ANKS1B: variants seen among roughly 807,000 people sequenced by gnomAD.
The protein encoded by ANKS1B is ankyrin repeat and sterile alpha motif domain-containing protein 1B.
A neutral mutation model predicts 148.3 loss-of-function variants in ANKS1B; 36 were observed. That is an observed-to-expected ratio of 0.24 (90% CI 0.19 to 0.32). The LOEUF is 0.32. ANKS1B is among the 10% of genes least tolerant of loss of function. The pLI is 1.00. For missense variants in ANKS1B, 1,157 were observed against 1,542.6 expected (o/e 0.75, Z 4.19); for synonymous variants, 542 against 560.8 (o/e 0.97, Z 0.47).
intron 4 of ANKS1B, among the ~76,000 whole-genome samples, chr12:99,796,185 G>A (rs1324567029): frequency 1.3e-5 from 2 of 152,044 alleles, no homozygotes; most frequent in Non-Finnish European, 2.9e-5. Flanking sequence ...TAGGCAAGTA[G>A]TGTCTACAGC....
intron 12 of ANKS1B, among the ~76,000 whole-genome samples, chr12:99,326,243 A>T (rs1223872269): frequency 6.6e-6 from 1 of 152,092 alleles, no homozygotes; most frequent in Non-Finnish European, 1.5e-5. Context: ...TCATGGCAAC[A>T]GGTTTTTGGG....
chr12:98,799,123 A>T lies in ANKS1B; in HGVS notation c.3271-118T>A, dbSNP rs878963536. The T allele has an allele frequency of 1.5e-5, 8 of 549,276 alleles. No homozygotes were observed. In the South Asian group the frequency reaches 3.1e-4, roughly 21 times the overall value. 34.0% of individuals were successfully genotyped at this position (549,276 alleles called of 1,614,324 possible). A position where few individuals can be genotyped will look rare whatever the true frequency, so the allele number is the denominator to read the frequency against. On this transcript the variant is annotated intron_variant, in intron 21 of 26. Transcript: ENST00000683438. ...TTTCCTGGCTGTAAGTTGTTGCATA[A>T]CTTTAAAAAACTGACAGTAACTAAT...
At chr12:99,250,769 C>T (rs1263079728) in intron 12 of ANKS1B, among the ~76,000 whole-genome samples, 1 of 152,078 alleles carries the variant, frequency 6.6e-6, no homozygotes, top group Non-Finnish European at 1.5e-5. Flanking sequence ...TTTATATTTC[C>T]ACATCTGGAA....
chr12:98,894,842 G>C, intron 17 of ANKS1B: 1 of 981,378 alleles, frequency 1.0e-6, no homozygotes, highest in Non-Finnish European at 1.2e-6. Context: ...GCCGCGCTGC[G>C]CCGAGCGCCG....
chr12:98,851,138 A>G (rs1263415361), intron 17 of ANKS1B, among the ~76,000 whole-genome samples: 1 of 152,208 alleles, frequency 6.6e-6, no homozygotes, highest in Non-Finnish European at 1.5e-5. Context: ...CCATCCATTC[A>G]TTCCTTCAGC....
intron 1 of ANKS1B, among the ~76,000 whole-genome samples, chr12:99,921,666 C>T (rs1232977823): frequency 6.6e-6 from 1 of 151,842 alleles, no homozygotes; most frequent in Non-Finnish European, 1.5e-5. Flanking sequence ...AATTAATGAA[C>T]AGAAAAAAAT....
At chr12:99,627,288 A>C (rs1222398873) in intron 9 of ANKS1B, among the ~76,000 whole-genome samples, 1 of 152,196 alleles carries the variant, frequency 6.6e-6, no homozygotes, top group Non-Finnish European at 1.5e-5. Context: ...CATTATTAGA[A>C]CATTTACATG....
chr12:99,340,887 G>T (rs1013707652), intron 12 of ANKS1B, among the ~76,000 whole-genome samples: 3 of 151,984 alleles, frequency 2.0e-5, no homozygotes, highest in African/African-American at 7.2e-5. Context: ...AAGCATAAAG[G>T]AAAGAAATTG....
chr12:99,875,012 T>G (rs2091921618), intron 1 of ANKS1B, among the ~76,000 whole-genome samples: 1 of 152,104 alleles, frequency 6.6e-6, no homozygotes, highest in Admixed American at 6.6e-5. Flanking sequence ...CCTAAATAAC[T>G]TAACCTCTCC....
intron 9 of ANKS1B, among the ~76,000 whole-genome samples, chr12:99,557,393 TA>T (rs1177129216): frequency 2.0e-5 from 3 of 152,240 alleles, no homozygotes; most frequent in Non-Finnish European, 4.4e-5. Flanking sequence ...TTGAATTAGT[TA>T]ATTCAGAGTA....
chr12:99,872,380 T>G (rs1029475061), intron 1 of ANKS1B, among the ~76,000 whole-genome samples: 6 of 152,038 alleles, frequency 3.9e-5, no homozygotes, highest in Non-Finnish European at 2.9e-5. Context: ...AGCTGTATAC[T>G]TACAGTCAGT....
intron 14 of ANKS1B, among the ~76,000 whole-genome samples, chr12:99,164,233 C>A (rs2076979059): frequency 6.6e-6 from 1 of 151,892 alleles, no homozygotes; most frequent in Admixed American, 6.6e-5. Context: ...TTATTTTTAA[C>A]TTTAAAAAAT....
At chr12:99,007,130 T>G (rs948219622) in intron 17 of ANKS1B, among the ~76,000 whole-genome samples, 1 of 152,232 alleles carries the variant, frequency 6.6e-6, no homozygotes, top group African/African-American at 2.4e-5. Context: ...AAGTCCCATT[T>G]TAAAATCCAC....
chr12:99,672,068 C>T (rs748306044), intron 8 of ANKS1B, among the ~76,000 whole-genome samples: 9 of 152,178 alleles, frequency 5.9e-5, no homozygotes, highest in South Asian at 4.1e-4. Context: ...TATCCTTCAA[C>T]CTATGCAACA....
intron 17 of ANKS1B, among the ~76,000 whole-genome samples, chr12:99,046,111 C>T (rs999916412): frequency 1.3e-5 from 2 of 152,144 alleles, no homozygotes; most frequent in Non-Finnish European, 1.5e-5. Context: ...GAGCATTGGT[C>T]AAGTACTCAG....
intron 17 of ANKS1B, among the ~76,000 whole-genome samples, chr12:98,936,257 CAATGTTAG>C (rs1014128165): frequency 1.4e-4 from 22 of 152,196 alleles, no homozygotes; most frequent in African/African-American, 5.3e-4. Context: ...TATTCTGTGG[CAATGTTAG>C]AATTCAAACC....
In ANKS1B at chr12:99,613,429, T is replaced by C. The variant is rs549674718; in HGVS notation, c.1272+41638A>G. On this transcript the variant is annotated intron_variant, in intron 9 of 26. Transcript: ENST00000683438. ...ATGTTCACTGCAGCACTATTCATAA[T>C]AGCAAAAACTTGGAATCAACCCAAA... 1.2e-4 allele frequency among the ~76,000 whole-genome samples: 19 copies of C among 152,136 alleles called. No homozygotes were observed. In the East Asian group the frequency reaches 1.7e-3, roughly 14 times the overall value.
chr12:98,804,717 T>C (rs551326874), intron 20 of ANKS1B, among the ~76,000 whole-genome samples: 3 of 152,254 alleles, frequency 2.0e-5, no homozygotes, highest in Admixed American at 6.5e-5. Context: ...GAGTAGTTAC[T>C]ATATGGAATG....
Position 98,971,893 on chromosome 12 carries a change from TGCGGTG to T in ANKS1B, c.2778+81258_2778+81263del, listed in dbSNP as rs532059362. Among the ~76,000 whole-genome samples, 538 of 152,174 alleles carry T rather than the reference TGCGGTG, an allele frequency of 3.5e-3. 3 individuals carry two copies. Among genetic ancestry groups the T allele is most frequent in the African/African-American group, 0.013 (520 of 41,546 alleles). ...GAAATTTCACAGTAGTGAGGCCAGGTGCGGTGGCTCATACCTGTAATTCTGGCACTC... is the reference window on the plus strand; with the variant it reads ...GAAATTTCACAGTAGTGAGGCCAGGTGCTCATACCTGTAATTCTGGCACTC... On this transcript the variant is annotated intron_variant, in intron 17 of 26. Transcript: ENST00000683438.
Sources: gnomAD v4.1 joint callset for allele counts (sites outside exome capture counted in the v4.1 genomes callset) on GRCh38, gnomAD v4.1.1 for gene constraint, MANE v1.5 for transcripts, NCBI Gene and HGNC (gene_info 2026-07-23, HGNC 2026-07-21) for gene names.